ANO5: variants seen among roughly 807,000 people sequenced by gnomAD.
ANO5 encodes anoctamin-5.
ANO5 carries 109 observed loss-of-function variants against 121.0 expected under a neutral mutation model. The ratio of observed to expected loss-of-function variants is 0.90; its 90% CI spans 0.77 to 1.06. The LOEUF (loss-of-function observed/expected upper bound fraction) is 1.06. Ranked by LOEUF, ANO5 falls within the 50% of genes least tolerant of loss-of-function variation. The pLI is 0.00. For synonymous variants in ANO5, 406 were observed against 359.9 expected (o/e 1.13, Z -1.45); for missense variants, 1,064 against 1,078.5 (o/e 0.99, Z 0.19).
intron 2 of ANO5, among the ~76,000 whole-genome samples, chr11:22,208,124 T>A (rs529942713): frequency 6.6e-6 from 1 of 152,070 alleles, no homozygotes. Context: ...GTTGGGCAGT[T>A]TCTTAAAAAT....
rs539316912 is a variant in ANO5 at position 22,261,619 on chromosome 11, C to A, written c.1631-510C>A. On this transcript the variant is annotated intron_variant, in intron 15 of 21. Transcript: ENST00000324559. ...GGCGGAGGTTCCAGTGTGCTGAGAT[C>A]ACGCCACTGTGCTCCACCTGGGTGA... 9.6e-5 allele frequency: 16 copies of A among 166,342 alleles called. No homozygotes were observed. In the South Asian group the frequency reaches 2.4e-3, roughly 25 times the overall value. 10.3% of individuals were successfully genotyped at this position (166,342 alleles called of 1,614,324 possible).
intron 2 of ANO5, among the ~76,000 whole-genome samples, chr11:22,206,561 A>C (rs1462959350): frequency 6.6e-6 from 1 of 152,028 alleles, no homozygotes; most frequent in Non-Finnish European, 1.5e-5. Flanking sequence ...TGATCCGCCT[A>C]CCTTGGCCTC....
intron 7 of ANO5, 43 bp downstream of exon 7, chr11:22,227,629 A>T (rs1306341511): frequency 1.3e-6 from 2 of 1,599,652 alleles, no homozygotes; most frequent in South Asian, 1.1e-5. Context: ...CAAATACGAG[A>T]TGTATGCTTG....
intron 6 of ANO5, 109 bp downstream of exon 6, chr11:22,226,161 T>C: frequency 2.3e-6 from 2 of 875,350 alleles, no homozygotes; most frequent in Non-Finnish European, 3.7e-6. Flanking sequence ...ACAATAGCTC[T>C]TTTGGCTACA....
chr11:22,254,252 G>T (rs1853919146), intron 12 of ANO5, among the ~76,000 whole-genome samples: 1 of 152,112 alleles, frequency 6.6e-6, no homozygotes, highest in South Asian at 2.1e-4. Context: ...TTTTAAAAAT[G>T]TATGGATATC....
intron 19 of ANO5, among the ~76,000 whole-genome samples, chr11:22,274,196 G>A (rs1401923591): frequency 3.6e-5 from 5 of 140,012 alleles, no homozygotes; most frequent in East Asian, 4.5e-4. Flanking sequence ...ACACACACCC[G>A]CAGTCCTACC....
chr11:22,255,705 TA>T (rs1267573277), intron 13 of ANO5, among the ~76,000 whole-genome samples, 183 bp downstream of exon 13: 2 of 152,118 alleles, frequency 1.3e-5, no homozygotes, highest in Non-Finnish European at 2.9e-5. Flanking sequence ...AATGTATATA[TA>T]TGAAAATTTT....
chr11:22,246,917 A>G (rs1853645511), intron 9 of ANO5, among the ~76,000 whole-genome samples: 1 of 151,766 alleles, frequency 6.6e-6, no homozygotes, highest in African/African-American at 2.4e-5. Flanking sequence ...ATGCATAATT[A>G]CAATTGACAC....
intron 1 of ANO5, among the ~76,000 whole-genome samples, chr11:22,200,577 A>G (rs1001234978): frequency 1.3e-5 from 2 of 152,080 alleles, no homozygotes; most frequent in African/African-American, 4.8e-5. Context: ...TTCTTTTTGT[A>G]CTGAGAGTGC....
At chr11:22,267,052 A>G (rs1854391166) in intron 17 of ANO5, among the ~76,000 whole-genome samples, 1 of 152,216 alleles carries the variant, frequency 6.6e-6, no homozygotes, top group East Asian at 1.9e-4. Context: ...ATTGTTTAAG[A>G]AATATTTTCC....
Position 22,219,317 on chromosome 11 carries a change from T to C in ANO5, c.180+1030T>C, listed in dbSNP as rs145165019. ...CTCCGGAAAATCACTGGAATTACTA[T>C]TCTCTTAGCTACTTTGTCTGTTTTC... On this transcript the variant is annotated intron_variant, in intron 4 of 21. Coordinates refer to ENST00000324559, the MANE Select transcript of ANO5 (RefSeq NM_213599.3). Among the ~76,000 whole-genome samples the C allele has an allele frequency of 2.9e-3, 442 of 152,198 alleles. 3 individuals carry two copies. Among genetic ancestry groups the C allele is most frequent in the African/African-American group, 0.01 (422 of 41,564 alleles).
Position 22,255,289 on chromosome 11 carries a change from C to A in ANO5, c.1181-82C>A, listed in dbSNP as rs1017560523. On this transcript the variant is annotated intron_variant, in intron 12 of 21. Transcript: ENST00000324559. Reference sequence around the variant, plus strand: ...CACCTGAAACATGTGAACCATCCTGCAACCAAAGTAATTAAAGGGAAAAGT... The same window carrying A: ...CACCTGAAACATGTGAACCATCCTGAAACCAAAGTAATTAAAGGGAAAAGT... 11 of 1,156,432 alleles carry A rather than the reference C, an allele frequency of 9.5e-6. No individual in the cohort carries two copies. The Admixed American group carries it at 2.3e-4, about 24-fold the overall frequency. The allele number at this position is 1,156,432 out of a possible 1,614,324, so 71.6% of individuals were successfully genotyped here.
chr11:22,278,758 T>TG (rs1854963786), intron 21 of ANO5, among the ~76,000 whole-genome samples: 2 of 151,798 alleles, frequency 1.3e-5, no homozygotes, highest in African/African-American at 4.8e-5. Flanking sequence ...ATAGTTATTT[T>TG]TCCCAGAGAA....
At position 22,210,459 on chromosome 11, in the gene ANO5, G is replaced by A. The variant is rs553403450; in HGVS notation, c.88-805G>A. Among the ~76,000 whole-genome samples the A allele has an allele frequency of 4.6e-5, 7 of 152,032 alleles. No individual in the cohort carries two copies. In the South Asian group the frequency reaches 1.2e-3, roughly 27 times the overall value. ...TTGCCCAGCATTATTTGGGCATAAT[G>A]AGATACTGATTGTGATTTTTCCAAG... On this transcript the variant is annotated intron_variant, in intron 2 of 21. Coordinates refer to ENST00000324559, the MANE Select transcript of ANO5 (RefSeq NM_213599.3).
At chr11:22,235,109 T>C (rs1853171678) in intron 7 of ANO5, among the ~76,000 whole-genome samples, 1 of 152,134 alleles carries the variant, frequency 6.6e-6, no homozygotes, top group Non-Finnish European at 1.5e-5. Context: ...TCTCCATCTT[T>C]TGCAATAATT....
chr11:22,227,457 A>G lies in ANO5; in HGVS notation c.519A>G (p.Val173=), dbSNP rs1179278884. 4 of 1,613,598 alleles carry G rather than the reference A, an allele frequency of 2.5e-6. No individual in the cohort carries two copies. In the South Asian group the frequency reaches 3.3e-5, roughly 13 times the overall value. The change falls in exon 7 of 22, where the codon GTA becomes GTG. Residue 173 remains valine (V), a synonymous_variant. Coordinates refer to ENST00000324559, the MANE Select transcript of ANO5 (RefSeq NM_213599.3). ...CTATAAGCTATGTGCTTGGACCTGTAAGACTCCCACTGAGTGTGAAGTATC... is the reference window on the plus strand; with the variant it reads ...CTATAAGCTATGTGCTTGGACCTGTGAGACTCCCACTGAGTGTGAAGTATC... ...HTPISYVLGP[V]RLPLSVKYPH...
intron 16 of ANO5, 101 bp downstream of exon 16, chr11:22,262,399 A>G (rs1854219632): frequency 2.1e-5 from 27 of 1,274,048 alleles, no homozygotes; most frequent in Non-Finnish European, 3.0e-5. Flanking sequence ...AAATTACAAA[A>G]TATATCTAGG....
intron 19 of ANO5, among the ~76,000 whole-genome samples, chr11:22,273,911 C>T (rs1283665999): frequency 6.6e-6 from 1 of 151,864 alleles, no homozygotes; most frequent in African/African-American, 2.4e-5. Context: ...CCTGAATGTA[C>T]CATTAGCCAT....
In ANO5 at chr11:22,193,417, C is replaced by A. The variant is rs1036202051; in HGVS notation, c.-76C>A. On this transcript the variant is annotated 5_prime_UTR_variant, in exon 1 of 22. Coordinates refer to ENST00000324559, the MANE Select transcript of ANO5 (RefSeq NM_213599.3). ...CCACAGTCAGATTCAGCACCTGCCTCAGATCTCCACGTCTGTCTCAGCTGC... is the reference window on the plus strand; with the variant it reads ...CCACAGTCAGATTCAGCACCTGCCTAAGATCTCCACGTCTGTCTCAGCTGC... The A allele has an allele frequency of 3.2e-6, 5 of 1,562,748 alleles. No individual in the cohort carries two copies. Among genetic ancestry groups the A allele is most frequent in the African/African-American group, 1.4e-5 (1 of 73,798 alleles).
Sources: gnomAD v4.1 joint callset for allele counts (sites outside exome capture counted in the v4.1 genomes callset) on GRCh38, gnomAD v4.1.1 for gene constraint, MANE v1.5 for transcripts, NCBI Gene and HGNC (gene_info 2026-07-23, HGNC 2026-07-21) for gene names.